The following FAR1 variants were observed in gnomAD, a reference collection of about 807,000 sequenced individuals.
The protein encoded by FAR1 is fatty acyl-CoA reductase 1, also known as male sterility domain-containing protein 2.
Under a neutral mutation model 61.1 loss-of-function variants are expected in FAR1, and 22 were observed. The ratio of observed to expected loss-of-function variants is 0.36; its 90% CI spans 0.26 to 0.51. The LOEUF is 0.51. Ranked by LOEUF, FAR1 falls within the 20% of genes least tolerant of loss-of-function variation. FAR1 has a pLI of 0.95. For synonymous variants in FAR1, 206 were observed against 209.7 expected (o/e 0.98, Z 0.15); for missense variants, 359 against 626.9 (o/e 0.57, Z 4.56).
intron 1 of FAR1, among the ~76,000 whole-genome samples, chr11:13,692,469 A>G (rs986451236): frequency 3.3e-5 from 5 of 152,170 alleles, no homozygotes; most frequent in Non-Finnish European, 5.9e-5. Context: ...ACGTTTTTCC[A>G]CAGCAGCTGA....
intron 3 of FAR1, 48 bp downstream of exon 3, chr11:13,700,540 A>C (rs1177410635): frequency 8.5e-7 from 1 of 1,170,350 alleles, no homozygotes; most frequent in Non-Finnish European, 1.1e-6. Context: ...ATAGTTATTA[A>C]AAAATCTCAT....
chr11:13,724,283 C>G (rs1379429625), intron 10 of FAR1, among the ~76,000 whole-genome samples: 1 of 145,010 alleles, frequency 6.9e-6, no homozygotes, highest in African/African-American at 2.5e-5. Flanking sequence ...CGTGGTGGCT[C>G]ACACCTGTAA....
chr11:13,679,754 T>A (rs549914135), intron 1 of FAR1, among the ~76,000 whole-genome samples: 2 of 152,362 alleles, frequency 1.3e-5, no homozygotes, highest in South Asian at 4.1e-4. Context: ...TTTACATCAC[T>A]CAGAGGAATT....
At chr11:13,681,901 T>C (rs1848131894) in intron 1 of FAR1, among the ~76,000 whole-genome samples, 1 of 152,180 alleles carries the variant, frequency 6.6e-6, no homozygotes, top group African/African-American at 2.4e-5. Flanking sequence ...TTTTTTATTA[T>C]TATTATTATA....
Position 13,721,900 on chromosome 11 carries a change from C to A in FAR1, c.1257+41C>A, listed in dbSNP as rs2134199490. On this transcript the variant is annotated intron_variant, in intron 10 of 11. Transcript: ENST00000354817. This position sits in a 1 kb window ranked among gnomAD's most constrained non-coding sequence, Gnocchi z 4.2. ...CTGTTTTATATTAGAAAATAAGTAG[C>A]ATACTAATTACAGAACTATTAGCAA... is the stretch of plus-strand genomic sequence containing the variant. 1 of 1,514,548 alleles carries A rather than the reference C, an allele frequency of 6.6e-7. No homozygotes were observed. The highest frequency in any genetic ancestry group is 2.3e-5 in the East Asian group (1 of 43,474). The allele number at this position is 1,514,548 out of a possible 1,614,324, so 93.8% of individuals were successfully genotyped here. A position where few individuals can be genotyped will look rare whatever the true frequency, so the allele number is the denominator to read the frequency against.
At chr11:13,714,288 A>G (rs545691749) in intron 8 of FAR1, among the ~76,000 whole-genome samples, 50 of 152,202 alleles carry the variant, frequency 3.3e-4, no homozygotes, top group Non-Finnish European at 6.3e-4. Context: ...AAATTCATTC[A>G]TCTAAAATTC....
intron 3 of FAR1, among the ~76,000 whole-genome samples, chr11:13,706,643 T>C (rs914552400): frequency 1.3e-5 from 2 of 152,148 alleles, no homozygotes; most frequent in African/African-American, 4.8e-5. Flanking sequence ...AAATCCACTC[T>C]TTTTGTAATT....
chr11:13,703,453 TG>T (rs1045602103), intron 3 of FAR1, among the ~76,000 whole-genome samples: 2 of 152,150 alleles, frequency 1.3e-5, no homozygotes, highest in Non-Finnish European at 2.9e-5. Context: ...CTTTTACTGT[TG>T]GGGGGAAGTT....
At chr11:13,698,491 AT>A (rs1426967955) in intron 2 of FAR1, among the ~76,000 whole-genome samples, 2 of 152,118 alleles carry the variant, frequency 1.3e-5, no homozygotes, top group African/African-American at 2.4e-5. Context: ...CTGCCAAAGG[AT>A]TTTTTAAAAA....
chr11:13,708,357 CAAAAAAA>C (rs1318046636), intron 4 of FAR1, among the ~76,000 whole-genome samples: 1 of 149,740 alleles, frequency 6.7e-6, no homozygotes, highest in African/African-American at 2.5e-5. Flanking sequence ...AACTCTGTCT[CAAAAAAA>C]CAAAAAACAA....
chr11:13,723,655 C>T (rs1482640297), intron 10 of FAR1, among the ~76,000 whole-genome samples: 1 of 152,128 alleles, frequency 6.6e-6, no homozygotes, highest in African/African-American at 2.4e-5. Context: ...TGCCTCTTCA[C>T]TATTCTTATA....
At chr11:13,695,068 A>G (rs1848294266) in intron 2 of FAR1, 114 bp downstream of exon 2, 1 of 759,814 alleles carries the variant, frequency 1.3e-6, no homozygotes, top group Non-Finnish European at 1.8e-6. Context: ...AAAAATTAGT[A>G]AAACAAAAAA....
chr11:13,678,288 T>C (rs776910146), intron 1 of FAR1, among the ~76,000 whole-genome samples: 4 of 152,054 alleles, frequency 2.6e-5, no homozygotes, highest in African/African-American at 9.7e-5. Context: ...TTTTTGAGAC[T>C]GAGTCTCGCT....
At chr11:13,709,740 A>T (rs1848476821) in intron 4 of FAR1, among the ~76,000 whole-genome samples, 1 of 151,984 alleles carries the variant, frequency 6.6e-6, no homozygotes, top group South Asian at 2.1e-4. Flanking sequence ...TTCCTTTCAT[A>T]TACAAAAAGT....
chr11:13,726,532 G>A (rs1591274128), intron 10 of FAR1, among the ~76,000 whole-genome samples: 1 of 152,008 alleles, frequency 6.6e-6, no homozygotes, highest in East Asian at 1.9e-4. Context: ...CTTCTGTTGA[G>A]AAGTCAACTT....
intron 3 of FAR1, among the ~76,000 whole-genome samples, chr11:13,703,370 G>T (rs2134186104): frequency 6.6e-6 from 1 of 151,954 alleles, no homozygotes. Flanking sequence ...TTTTTGTAGA[G>T]ACAGGGTTTC....
intron 1 of FAR1, among the ~76,000 whole-genome samples, chr11:13,680,760 A>T (rs1591255268): frequency 6.6e-6 from 1 of 151,658 alleles, no homozygotes; most frequent in African/African-American, 2.4e-5. Context: ...TGACCCAAAC[A>T]CCTCCCACCA....
chr11:13,692,263 C>G (rs1248262107), intron 1 of FAR1, among the ~76,000 whole-genome samples: 2 of 152,036 alleles, frequency 1.3e-5, no homozygotes, highest in African/African-American at 4.8e-5. Flanking sequence ...AAGCATAATG[C>G]AAATATTCCA....
chr11:13,715,419 C>G (rs1848545468), intron 9 of FAR1, among the ~76,000 whole-genome samples: 3 of 152,084 alleles, frequency 2.0e-5, no homozygotes, highest in Non-Finnish European at 4.4e-5. Flanking sequence ...AAATTAAGCC[C>G]TTCTCTCCCT....
Sources: gnomAD v4.1 joint callset for allele counts (sites outside exome capture counted in the v4.1 genomes callset) on GRCh38, gnomAD v4.1.1 for gene constraint, Gnocchi (gnomAD v3.1) non-coding constraint, MANE v1.5 for transcripts, NCBI Gene and HGNC (gene_info 2026-07-23, HGNC 2026-07-21) for gene names.